The following ZFR2 variants were observed in gnomAD, a reference collection of about 807,000 sequenced individuals.
ZFR2 encodes zinc finger RNA binding protein 2.
In ZFR2, 104 loss-of-function variants were observed where a neutral mutation model predicts 105.7. The observed-to-expected ratio is 0.98, with a 90% CI of 0.84 to 1.16. ZFR2 has a LOEUF of 1.16. Among genes scored for constraint, ZFR2 ranks in the 50% most tolerant of loss-of-function variants. ZFR2 has a pLI of 0.00. For missense variants in ZFR2, 1,425 were observed against 1,355.5 expected, an observed-to-expected ratio of 1.05 and a Z score of -0.80; for synonymous variants, 634 against 597.7, an observed-to-expected ratio of 1.06 and a Z score of -0.89.
intron 1 of ZFR2, among the ~76,000 whole-genome samples, chr19:3,864,879 C>A (rs1420218234): frequency 1.3e-5 from 2 of 152,112 alleles, no homozygotes; most frequent in Non-Finnish European, 2.9e-5. Flanking sequence ...TCCCAAGTAG[C>A]TAGGATTACA....
At chr19:3,810,296 G>A (rs1175338400) in intron 16 of ZFR2, among the ~76,000 whole-genome samples, 1 of 152,220 alleles carries the variant, frequency 6.6e-6, no homozygotes, top group Non-Finnish European at 1.5e-5. Context: ...TGTGGTGAGG[G>A]GATTCTGTTT....
At position 3,831,441 on chromosome 19, in the gene ZFR2, C is replaced by T. The variant is rs566323856; in HGVS notation, c.714G>A (p.Ala238=). 2.1e-4 allele frequency: 326 copies of T among 1,551,162 alleles called. 1 individual carries two copies. In the East Asian group the frequency reaches 4.5e-3, roughly 22 times the overall value. Residue 238 remains alanine (A), a synonymous_variant, in exon 5 of 19, where the codon GCG becomes GCA. Coordinates refer to ENST00000262961, the MANE Select transcript of ZFR2 (RefSeq NM_015174.2). ...GPPQQLPPPP[A]PAGSGSSPRA... is the part of the protein sequence containing the mutation. ...TGGGGCTGCTTCCTGAGCCTGCAGG[C>T]GCGGGCGGCGGGGGCAGCTGCTGCG... is the stretch of plus-strand genomic sequence containing the variant.
At chr19:3,852,237 T>C in intron 1 of ZFR2, 1 of 557,606 alleles carries the variant, frequency 1.8e-6, no homozygotes, top group Non-Finnish European at 3.2e-6. Flanking sequence ...GGGGCTCAGC[T>C]GGATGGCTCT....
At chr19:3,864,766 G>A (rs566517856) in intron 1 of ZFR2, among the ~76,000 whole-genome samples, 1 of 150,494 alleles carries the variant, frequency 6.6e-6, no homozygotes, top group East Asian at 2.0e-4. Context: ...TCTTTTTCTT[G>A]AGACAGACTC....
At chr19:3,850,367 C>T (rs1230035310) in intron 1 of ZFR2, among the ~76,000 whole-genome samples, 2 of 152,052 alleles carry the variant, frequency 1.3e-5, no homozygotes, top group Non-Finnish European at 2.9e-5. Flanking sequence ...CAGGGCTCTC[C>T]AGTGCCAGGT....
At chr19:3,855,987 G>A (rs2038295196) in intron 1 of ZFR2, among the ~76,000 whole-genome samples, 1 of 152,210 alleles carries the variant, frequency 6.6e-6, no homozygotes, top group Non-Finnish European at 1.5e-5. Context: ...CATGGGCTAC[G>A]TTGTGATGGG....
intron 1 of ZFR2, among the ~76,000 whole-genome samples, chr19:3,859,579 T>C (rs561890243): frequency 1.3e-5 from 2 of 152,214 alleles, no homozygotes; most frequent in African/African-American, 2.4e-5. Context: ...GTTCTGACCT[T>C]GGCGCGGTGG....
chr19:3,826,437 C>CT (rs897841204), intron 6 of ZFR2, among the ~76,000 whole-genome samples: 16 of 147,908 alleles, frequency 1.1e-4, no homozygotes, highest in Non-Finnish European at 1.2e-4. Flanking sequence ...ACCCAGGCCT[C>CT]TTTTTTTTTT....
chr19:3,820,809 G>T (rs1442978092), intron 10 of ZFR2, among the ~76,000 whole-genome samples: 1 of 138,834 alleles, frequency 7.2e-6, no homozygotes, highest in African/African-American at 2.6e-5. Flanking sequence ...GGGGTCAGGG[G>T]TCACATGGCA....
intron 1 of ZFR2, among the ~76,000 whole-genome samples, chr19:3,837,658 CATGACCGTGACACTCGATGAACACT>C (rs1362007532): frequency 2.6e-5 from 4 of 152,012 alleles, no homozygotes; most frequent in East Asian, 1.9e-4. Context: ...CGATGAACAC[CATGACCGTGACACTCGATGAACACT>C]GTGACCGTGA....
chr19:3,808,135 ATGTGTGCCCG>A (rs2037722211), intron 17 of ZFR2, among the ~76,000 whole-genome samples: 1 of 123,112 alleles, frequency 8.1e-6, no homozygotes, highest in Non-Finnish European at 1.7e-5. Flanking sequence ...GCCCGTGCGT[ATGTGTGCCCG>A]TGTGTGCAAG....
Position 3,822,207 on chromosome 19 carries a change from C to T in ZFR2, c.1372-7G>A, listed in dbSNP as rs1405426187. On this transcript the variant is annotated splice_polypyrimidine_tract_variant and splice_region_variant and intron_variant, in intron 8 of 18. Coordinates refer to ENST00000262961, the MANE Select transcript of ZFR2 (RefSeq NM_015174.2). ...GCCCTTCGTCGCTGAACACCTGAGACACAGAACAGCCGCACGCGCACCAGG... is the reference window on the plus strand; with the variant it reads ...GCCCTTCGTCGCTGAACACCTGAGATACAGAACAGCCGCACGCGCACCAGG... 6.3e-7 allele frequency: 1 copy of T among 1,579,844 alleles called. No individual in the cohort carries two copies. Among genetic ancestry groups the T allele is most frequent in the Non-Finnish European group, 8.6e-7 (1 of 1,163,442 alleles).
chr19:3,808,885 C>T lies in ZFR2; in HGVS notation c.2532G>A (p.Gly844=), dbSNP rs1440865861. The change falls in exon 17 of 19, where the codon GGG becomes GGA. Residue 844 remains glycine (G), a synonymous_variant. Transcript: ENST00000262961. ...CCAGCGACTGACCTGTCAGGAGCGT[C>T]CCTGTGGCCACGCACTCCAGGACTC... The part of the protein sequence containing the change: ...VRRVLECVAT[G]TLLTDGPGLQ... The T allele has an allele frequency of 2.6e-6, 4 of 1,553,460 alleles. No homozygotes were observed. Among genetic ancestry groups the T allele is most frequent in the Admixed American group, 3.8e-5 (2 of 51,982 alleles).
chr19:3,818,655 A>G (rs1473394220), intron 12 of ZFR2, among the ~76,000 whole-genome samples: 1 of 152,212 alleles, frequency 6.6e-6, no homozygotes, highest in African/African-American at 2.4e-5. Flanking sequence ...ACTCAGTGAC[A>G]TGAACTACTC....
chr19:3,841,247 C>T (rs1031319119), intron 1 of ZFR2, among the ~76,000 whole-genome samples: 21 of 152,230 alleles, frequency 1.4e-4, no homozygotes, highest in African/African-American at 4.8e-4. Flanking sequence ...GTTGGGAACA[C>T]GGCCGGCAAC....
intron 12 of ZFR2, among the ~76,000 whole-genome samples, chr19:3,817,111 G>A (rs1037669827): frequency 4.6e-5 from 7 of 152,184 alleles, no homozygotes; most frequent in Non-Finnish European, 7.3e-5. Context: ...TTCCTTCCTT[G>A]TGAGCAAACG....
Position 3,820,172 on chromosome 19 carries a change from C to T in ZFR2, c.1740+10G>A. On this transcript the variant is annotated intron_variant, in intron 11 of 18. Coordinates refer to ENST00000262961, the MANE Select transcript of ZFR2 (RefSeq NM_015174.2). ...CGCCCGCGTTTGCACACAGAGGAAA[C>T]TGTACCTACCTGGAGTGGGGCGCTG... 1 of 1,551,344 alleles carries T rather than the reference C, an allele frequency of 6.4e-7. No individual in the cohort carries two copies. Among genetic ancestry groups the T allele is most frequent in the Non-Finnish European group, 8.7e-7 (1 of 1,147,078 alleles).
intron 16 of ZFR2, among the ~76,000 whole-genome samples, chr19:3,809,764 C>T (rs1017466586): frequency 1.3e-4 from 19 of 151,752 alleles, no homozygotes; most frequent in African/African-American, 3.1e-4. Context: ...GCCAACATGG[C>T]GAAACCCCAT....
chr19:3,867,215 G>A (rs759729880), intron 1 of ZFR2, among the ~76,000 whole-genome samples: 2 of 151,842 alleles, frequency 1.3e-5, no homozygotes, highest in Non-Finnish European at 2.9e-5. Context: ...GTATCTGTGG[G>A]GGCTCAGCAG....
Sources: allele counts gnomAD v4.1 joint callset (sites outside exome capture counted in the v4.1 genomes callset), GRCh38; gene constraint gnomAD v4.1.1; transcripts MANE v1.5; gene names NCBI Gene and HGNC (gene_info 2026-07-23, HGNC 2026-07-21).